Variants in DHX36 observed in about 807,000 individuals in gnomAD.
DHX36 encodes ATP-dependent DNA/RNA helicase DHX36.
In DHX36, 50 loss-of-function variants were observed where a neutral mutation model predicts 139.0. That is an observed-to-expected ratio of 0.36 (90% CI 0.29 to 0.46). DHX36 has a LOEUF of 0.46. DHX36 is among the 20% of genes least tolerant of loss of function. The pLI, the probability that DHX36 is intolerant of heterozygous loss-of-function variation, is 1.00. For synonymous variants in DHX36, 425 were observed against 401.9 expected, an observed-to-expected ratio of 1.06 and a Z score of -0.69; for missense variants, 1,024 against 1,211.3, an observed-to-expected ratio of 0.85 and a Z score of 2.29.
chr3:154,289,943 A>G (rs181769382), intron 15 of DHX36, 117 bp from the exon 16 acceptor site: 141 of 604,468 alleles, frequency 2.3e-4, no homozygotes, highest in Non-Finnish European at 3.7e-4. Flanking sequence ...TACATGCCAC[A>G]TAATAGCTAA....
At chr3:154,284,709 T>G (rs765145539) in intron 18 of DHX36, 40 bp from the exon 19 acceptor site, 15 of 1,597,866 alleles carry the variant, frequency 9.4e-6, no homozygotes, top group Admixed American at 1.7e-5. Context: ...ATTGCTCTGA[T>G]GCTATAATGG....
chr3:154,306,375 G>A, intron 5 of DHX36, 80 bp from the exon 6 acceptor site: 1 of 1,234,486 alleles, frequency 8.1e-7, no homozygotes, highest in African/African-American at 1.5e-5. Context: ...ATCTAGGACT[G>A]TTGAAAAATT....
intron 18 of DHX36, 59 bp from the exon 19 acceptor site, chr3:154,284,728 A>G (rs1711504759): frequency 1.3e-6 from 2 of 1,593,420 alleles, no homozygotes; most frequent in Admixed American, 3.5e-5. Context: ...GGAGAATGAC[A>G]TTCTAATAAA....
At chr3:154,299,784 T>G (rs754571331) in intron 12 of DHX36, 54 bp downstream of exon 12, 20 of 1,293,136 alleles carry the variant, frequency 1.5e-5, no homozygotes, top group Non-Finnish European at 2.3e-5. Context: ...ATACACATCA[T>G]ATATAATTCA....
intron 3 of DHX36, among the ~76,000 whole-genome samples, chr3:154,312,750 G>A (rs1465504211): frequency 1.3e-5 from 2 of 149,508 alleles, no homozygotes; most frequent in African/African-American, 4.9e-5. Context: ...GTTAAGGCAG[G>A]AGAATTGGTG....
At position 154,300,616 on chromosome 3, in the gene DHX36, C is replaced by G; in HGVS notation, c.1439G>C (p.Arg480Pro). Reference protein sequence around the residue: ...VDLNLIVALIRYIVLEEEDGA... With the variant: ...VDLNLIVALIPYIVLEEEDGA... ...AACCTCTTCTTCCAAAACAATGTATCGGATGAGGGCAACAATCAAATTCAG... is the reference window on the plus strand; with the variant it reads ...AACCTCTTCTTCCAAAACAATGTATGGGATGAGGGCAACAATCAAATTCAG... Residue 480 changes from arginine to proline, a missense_variant, in exon 11 of 25, where the codon CGA (arginine) becomes CCA (proline). This residue lies in a region of DHX36 where 115 missense variants were observed against 105.6 expected (regional missense o/e 1.09). Transcript: ENST00000496811. The G allele has an allele frequency of 1.2e-6, 2 of 1,613,092 alleles. No homozygotes were observed. The highest frequency in any genetic ancestry group is 2.2e-5 in the South Asian group (2 of 90,962).
In DHX36 at chr3:154,285,122, T is replaced by C. The variant is rs1202685864; in HGVS notation, c.2032-135A>G. ...CAAATGCCCAAATATTGTTCAGCTTTAGTTTTCCCTACCAAAACATAAGTT... is the reference window on the plus strand; with the variant it reads ...CAAATGCCCAAATATTGTTCAGCTTCAGTTTTCCCTACCAAAACATAAGTT... On this transcript the variant is annotated intron_variant, in intron 17 of 24. Coordinates refer to ENST00000496811, the MANE Select transcript of DHX36 (RefSeq NM_020865.3). 4.5e-6 allele frequency: 4 copies of C among 889,074 alleles called. No individual in the cohort carries two copies. In the East Asian group the frequency reaches 1.1e-4, roughly 23 times the overall value. The allele number at this position is 889,074 out of a possible 1,614,324, so 55.1% of individuals were successfully genotyped here. A position where few individuals can be genotyped will look rare whatever the true frequency, so the allele number is the denominator to read the frequency against.
chr3:154,276,204 A>G lies in DHX36; in HGVS notation c.2994T>C (p.Phe998=). 6.2e-7 allele frequency: 1 copy of G among 1,612,706 alleles called. No homozygotes were observed. The highest frequency in any genetic ancestry group is 8.5e-7 in the Non-Finnish European group (1 of 1,179,484). The part of the protein sequence containing the change: ...KTQEKATPRN[F]PPRFQDGYYS The stretch of plus-strand genomic sequence containing the variant: ...AATATCCATCCTGGAATCGTGGCGG[A>G]AAGTTCCTGGGAGTTGCCTTTTCCT... The change falls in exon 25 of 25, where the codon TTT becomes TTC. Residue 998 remains phenylalanine (F), a synonymous_variant. Coordinates refer to ENST00000496811, the MANE Select transcript of DHX36 (RefSeq NM_020865.3).
At position 154,324,156 on chromosome 3, in the gene DHX36, T is replaced by A. The variant is rs761408523; in HGVS notation, c.243+18A>T. 7.5e-6 allele frequency: 12 copies of A among 1,604,002 alleles called. 1 individual carries two copies. The highest frequency in any genetic ancestry group is 7.7e-6 in the Non-Finnish European group (9 of 1,173,552). The stretch of plus-strand genomic sequence containing the variant: ...ACCTGTGCTGCCTCATCCTCTCCAC[T>A]ACTGAATCCGAGATTACCTCTTGCC... On this transcript the variant is annotated intron_variant, in intron 1 of 24. Coordinates refer to ENST00000496811, the MANE Select transcript of DHX36 (RefSeq NM_020865.3).
Position 154,303,369 on chromosome 3 carries a change from C to T in DHX36, c.1177G>A (p.Val393Ile). 1.9e-6 allele frequency: 3 copies of T among 1,607,402 alleles called. No homozygotes were observed. Among genetic ancestry groups the T allele is most frequent in the Non-Finnish European group, 2.5e-6 (3 of 1,177,210 alleles). ...MIHIPGFTFP[V>I]VEYLLEDVIE... ...ACATCTTCCAAAAGATATTCCACAACCGGAAAGGTAAAACCAGGTATATGT... is the reference window on the plus strand; with the variant it reads ...ACATCTTCCAAAAGATATTCCACAATCGGAAAGGTAAAACCAGGTATATGT... The change falls in exon 9 of 25, where the codon GTT becomes ATT. Residue 393 changes from valine to isoleucine, a missense_variant. Val to Ile is a conservative substitution (Grantham distance 29). Around this residue, in one of 4 missense-constraint regions of DHX36, gnomAD observed 146 missense variants for 215.0 expected, o/e 0.68. Coordinates refer to ENST00000496811, the MANE Select transcript of DHX36 (RefSeq NM_020865.3).
At chr3:154,309,863 T>C in intron 4 of DHX36, 40 bp from the exon 5 acceptor site, 2 of 1,424,206 alleles carry the variant, frequency 1.4e-6, no homozygotes, top group East Asian at 4.9e-5. Context: ...ACATGTTGAC[T>C]AAGTCTGAAA....
intron 12 of DHX36, among the ~76,000 whole-genome samples, chr3:154,296,728 T>G (rs1712061693): frequency 6.6e-6 from 1 of 152,158 alleles, no homozygotes; most frequent in South Asian, 2.1e-4. Flanking sequence ...AATGCCCAAA[T>G]GATTCAAGTC....
intron 22 of DHX36, 26 bp downstream of exon 22, chr3:154,280,553 A>G (rs1431790311): frequency 2.0e-6 from 3 of 1,489,420 alleles, no homozygotes; most frequent in African/African-American, 2.8e-5. Context: ...AATTACGAGT[A>G]ATTAATAATA....
At chr3:154,294,501 A>G (rs1237025487) in intron 13 of DHX36, among the ~76,000 whole-genome samples, 2 of 152,224 alleles carry the variant, frequency 1.3e-5, no homozygotes, top group Non-Finnish European at 2.9e-5. Flanking sequence ...ATAATTTACT[A>G]GGTTATGGTG....
chr3:154,277,824 C>T (rs770712725), intron 22 of DHX36, 106 bp from the exon 23 acceptor site: 153 of 1,068,576 alleles, frequency 1.4e-4, no homozygotes, highest in Non-Finnish European at 1.8e-4. Context: ...AAAAACCAAA[C>T]AAATCCCGGA....
intron 1 of DHX36, among the ~76,000 whole-genome samples, chr3:154,322,162 A>G (rs1242768999): frequency 1.3e-5 from 2 of 152,218 alleles, no homozygotes; most frequent in Non-Finnish European, 1.5e-5. Context: ...TAAAAAAACT[A>G]TAATTATATC....
intron 12 of DHX36, among the ~76,000 whole-genome samples, chr3:154,296,409 G>A (rs1045827614): frequency 6.6e-6 from 1 of 152,298 alleles, no homozygotes; most frequent in African/African-American, 2.4e-5. Context: ...GGGAGGCGGA[G>A]CTTGCAGTGA....
At position 154,292,676 on chromosome 3, in the gene DHX36, G is replaced by T. The variant is rs373985162; in HGVS notation, c.1689C>A (p.Val563=). The change falls in exon 15 of 25, where the codon GTC becomes GTA. Residue 563 remains valine (V), a synonymous_variant. Transcript: ENST00000496811. ...IAETSITIDD[V]VYVIDGGKIK... ...TTTTTCCTCCATCTATCACATAAAC[G>T]ACATCATCTATGGTAATGCTGTTTG... 1 of 1,612,572 alleles carries T rather than the reference G, an allele frequency of 6.2e-7. No homozygotes were observed. Among genetic ancestry groups the T allele is most frequent in the Non-Finnish European group, 8.5e-7 (1 of 1,179,794 alleles).
chr3:154,317,192 G>A (rs528695068), intron 1 of DHX36, among the ~76,000 whole-genome samples: 28 of 152,170 alleles, frequency 1.8e-4, no homozygotes, highest in African/African-American at 6.3e-4. Flanking sequence ...ATCATTAAAA[G>A]GAAGCTGCTC....
Sources: allele counts gnomAD v4.1 joint callset (sites outside exome capture counted in the v4.1 genomes callset), GRCh38; gene constraint gnomAD v4.1.1; regional missense constraint gnomAD v4.1.1; transcripts MANE v1.5; gene names NCBI Gene and HGNC (gene_info 2026-07-23, HGNC 2026-07-21).